RAB44: variants seen among roughly 807,000 people sequenced by gnomAD.
RAB44 encodes the protein ras-related protein Rab-44.
In RAB44, 67 loss-of-function variants were observed where a neutral mutation model predicts 93.3. The ratio of observed to expected loss-of-function variants is 0.72; its 90% CI spans 0.59 to 0.88. RAB44 has a LOEUF of 0.88. Ranked by LOEUF, RAB44 falls within the 40% of genes least tolerant of loss-of-function variation. The probability of loss-of-function intolerance (pLI) is 0.00; values close to 1 mark genes in which losing one functional copy is unlikely to be tolerated. For synonymous variants in RAB44, 427 were observed against 520.3 expected, an observed-to-expected ratio of 0.82 and a Z score of 2.44; for missense variants, 1,064 against 1,261.7, an observed-to-expected ratio of 0.84 and a Z score of 2.37.
At chr6:36,720,675 C>T (rs1763052048) in intron 8 of RAB44, 125 bp downstream of exon 8, 2 of 725,788 alleles carry the variant, frequency 2.8e-6, no homozygotes, top group African/African-American at 1.8e-5. Flanking sequence ...CCTTAAACCC[C>T]ACCCTCTGCC....
chr6:36,698,597 A>AT, intron 1 of RAB44, among the ~76,000 whole-genome samples: 1 of 152,090 alleles, frequency 6.6e-6, no homozygotes, highest in Non-Finnish European at 1.5e-5. Context: ...AGAGGTGGTC[A>AT]TGCTGAGGGG....
At position 36,724,640 on chromosome 6, in the gene RAB44, CCAACCAACCAAT is replaced by C. The variant is rs998808566; in HGVS notation, c.2600-1210_2600-1199del. 2.0e-5 allele frequency among the ~76,000 whole-genome samples: 3 copies of C among 149,076 alleles called. No homozygotes were observed. In the Admixed American group the frequency reaches 2.0e-4, roughly 10 times the overall value. On this transcript the variant is annotated intron_variant, in intron 9 of 13. Coordinates refer to ENST00000612677, the MANE Select transcript of RAB44 (RefSeq NM_001257357.2). ...AAAACACAGCTGCATAATCGTGAAA[CCAACCAACCAAT>C]CAACCAACCAACCAACCAACCAACC...
At chr6:36,709,682 A>G (rs1470938742) in intron 2 of RAB44, among the ~76,000 whole-genome samples, 2 of 152,122 alleles carry the variant, frequency 1.3e-5, no homozygotes, top group African/African-American at 4.8e-5. Context: ...CAGCCACCCA[A>G]TTAGCTGGAA....
chr6:36,707,010 T>C (rs1376984797), intron 2 of RAB44, among the ~76,000 whole-genome samples: 1 of 152,096 alleles, frequency 6.6e-6, no homozygotes, highest in African/African-American at 2.4e-5. Context: ...CTTGAAATGT[T>C]GAATATCAGT....
rs1582650539 is a variant in RAB44 at position 36,731,181 on chromosome 6, T to C, written c.2975+432T>C. Among the ~76,000 whole-genome samples the C allele has an allele frequency of 1.5e-5, 2 of 131,616 alleles. No individual in the cohort carries two copies. The highest frequency in any genetic ancestry group is 5.5e-5 in the African/African-American group (2 of 36,642). 86.3% of individuals were successfully genotyped at this position (131,616 alleles called of 152,430 possible). ...CACTCACACCCACACACACTCACACTCTTACACACACTCACACTCACACAC... is the reference window on the plus strand; with the variant it reads ...CACTCACACCCACACACACTCACACCCTTACACACACTCACACTCACACAC... On this transcript the variant is annotated intron_variant, in intron 13 of 13. Transcript: ENST00000612677. The surrounding 1 kb of genome is among the most constrained non-coding windows in gnomAD (Gnocchi z 4.0).
intron 1 of RAB44, among the ~76,000 whole-genome samples, chr6:36,700,130 G>A (rs948039244): frequency 6.6e-6 from 1 of 152,168 alleles, no homozygotes; most frequent in Non-Finnish European, 1.5e-5. Context: ...AAAGGGAGGT[G>A]GGCCATGCTG....
chr6:36,715,795 G>A (rs937106010), intron 4 of RAB44, 142 bp downstream of exon 4: 2 of 774,232 alleles, frequency 2.6e-6, no homozygotes, highest in Non-Finnish European at 2.0e-6. Context: ...GGCTAGCTGT[G>A]TGACCACAGG....
intron 2 of RAB44, among the ~76,000 whole-genome samples, chr6:36,709,808 A>AG (rs1762737742): frequency 6.6e-6 from 1 of 151,804 alleles, no homozygotes; most frequent in African/African-American, 2.4e-5. Context: ...CCACCTGCCT[A>AG]GGCCTCCCAA....
At position 36,713,879 on chromosome 6, in the gene RAB44, G is replaced by C. The variant is rs929767134; in HGVS notation, c.259G>C (p.Asp87His). Residue 87 changes from aspartate (D) to histidine (H), a missense_variant, in exon 3 of 14, where the codon GAC becomes CAC. Asp to His is a moderately conservative substitution (Grantham distance 81). Coordinates refer to ENST00000612677, the MANE Select transcript of RAB44 (RefSeq NM_001257357.2). ...GSKEESEMIF[D>H]WVDVERKGHL... ...CAAGGAAGAGTCAGAGATGATCTTC[G>C]ACTGGGTGGATGTGGAGCGGAAGGG... 6.5e-7 allele frequency: 1 copy of C among 1,535,978 alleles called. No individual in the cohort carries two copies. The highest frequency in any genetic ancestry group is 1.4e-5 in the African/African-American group (1 of 73,038).
chr6:36,705,353 C>T (rs895333574), intron 2 of RAB44, among the ~76,000 whole-genome samples: 4 of 151,518 alleles, frequency 2.6e-5, no homozygotes, highest in African/African-American at 9.7e-5. Flanking sequence ...ATTCTTTTTG[C>T]CTCATATCCA....
intron 1 of RAB44, among the ~76,000 whole-genome samples, chr6:36,698,577 G>A (rs1270568302): frequency 5.3e-5 from 8 of 152,158 alleles, no homozygotes; most frequent in Non-Finnish European, 4.4e-5. Context: ...CTTAGGTGAG[G>A]GATGTGGGGA....
intron 8 of RAB44, 50 bp from the exon 9 acceptor site, chr6:36,721,101 C>A: frequency 8.1e-7 from 1 of 1,233,660 alleles, no homozygotes; most frequent in East Asian, 3.2e-5. Context: ...ATGGGTGTGA[C>A]ACCACCTACC....
chr6:36,709,588 C>T (rs1169632472), intron 2 of RAB44, among the ~76,000 whole-genome samples: 2 of 152,136 alleles, frequency 1.3e-5, no homozygotes, highest in Non-Finnish European at 2.9e-5. Context: ...CAGGGTCTTG[C>T]TCTGTTGTCC....
rs1315373418 is a variant in RAB44 at position 36,705,398 on chromosome 6, CCCTCCCTCCCTT to C, written c.207+960_207+971del. ...TTTCAGATTTCCTCCCTCCCTCCCT[CCCTCCCTCCCTT>C]CCTTCCTTCCTTCTCAGCTCGATCT... On this transcript the variant is annotated intron_variant, in intron 2 of 13. Transcript: ENST00000612677. 5.0e-5 allele frequency among the ~76,000 whole-genome samples: 7 copies of C among 139,648 alleles called. No individual in the cohort carries two copies. The South Asian group carries it at 7.5e-4, about 15-fold the overall frequency. 91.6% of individuals were successfully genotyped at this position (139,648 alleles called of 152,430 possible). A position where few individuals can be genotyped will look rare whatever the true frequency, so the allele number is the denominator to read the frequency against.
chr6:36,724,498 C>T (rs969893978), intron 9 of RAB44, among the ~76,000 whole-genome samples: 6 of 152,192 alleles, frequency 3.9e-5, no homozygotes, highest in African/African-American at 1.2e-4. Flanking sequence ...GTTTACTGAC[C>T]ACCTCCCATG....
Position 36,722,043 on chromosome 6 carries a change from G to A in RAB44, c.1909G>A (p.Ala637Thr). ...CACAGAGAGGCTGGAGCAGGGCCAG[G>A]CGGGCCCAGCGGTGCAGGAGGGCCT... is the stretch of plus-strand genomic sequence containing the variant. ...VPTERLEQGQ[A>T]GPAVQEGLPE... is the part of the protein sequence containing the mutation. The change falls in exon 9 of 14, where the codon GCG (alanine) becomes ACG (threonine). Residue 637 changes from alanine (A) to threonine (T), a missense_variant. Transcript: ENST00000612677. 8.1e-7 allele frequency: 1 copy of A among 1,234,514 alleles called. No homozygotes were observed. The highest frequency in any genetic ancestry group is 1.0e-6 in the Non-Finnish European group (1 of 988,432). The allele number at this position is 1,234,514 out of a possible 1,614,324, so 76.5% of individuals were successfully genotyped here.
At chr6:36,705,641 C>T (rs1258064484) in intron 2 of RAB44, among the ~76,000 whole-genome samples, 1 of 152,110 alleles carries the variant, frequency 6.6e-6, no homozygotes, top group East Asian at 1.9e-4. Flanking sequence ...CCTCAGCCTC[C>T]CAAAGTGCTG....
At chr6:36,720,322 G>T in intron 7 of RAB44, 41 bp from the exon 8 acceptor site, 1 of 1,231,440 alleles carries the variant, frequency 8.1e-7, no homozygotes, top group South Asian at 4.1e-5. Flanking sequence ...GCGCCCTGGA[G>T]GGCATCTGGG....
chr6:36,728,169 G>A (rs374342889), intron 11 of RAB44, among the ~76,000 whole-genome samples: 1 of 152,308 alleles, frequency 6.6e-6, no homozygotes, highest in African/African-American at 2.4e-5. Context: ...ATAAGGTAAT[G>A]TGTGAAGAGG....
Sources: allele counts gnomAD v4.1 joint callset (sites outside exome capture counted in the v4.1 genomes callset), GRCh38; gene constraint gnomAD v4.1.1; non-coding constraint Gnocchi (gnomAD v3.1); transcripts MANE v1.5; gene names NCBI Gene and HGNC (gene_info 2026-07-23, HGNC 2026-07-21).